The following PRAME variants were observed in gnomAD, a reference collection of about 807,000 sequenced individuals.
PRAME encodes the protein melanoma antigen preferentially expressed in tumors.
In PRAME, 21 loss-of-function variants were observed where a neutral mutation model predicts 32.1. The ratio of observed to expected loss-of-function variants is 0.65; its 90% CI spans 0.46 to 0.94. The LOEUF is 0.94. PRAME is among the 40% of genes least tolerant of loss of function. The probability of loss-of-function intolerance (pLI) is 0.00; values close to 1 mark genes in which losing one functional copy is unlikely to be tolerated. For synonymous variants in PRAME, 274 were observed against 251.5 expected, an observed-to-expected ratio of 1.09 and a Z score of -0.85; for missense variants, 651 against 622.3, an observed-to-expected ratio of 1.05 and a Z score of -0.49.
rs2062341522 is a variant in PRAME at position 22,547,959 on chromosome 22, A to C, written c.*108T>G. On this transcript the variant is annotated 3_prime_UTR_variant, in exon 6 of 6. Coordinates refer to ENST00000405655, the MANE Select transcript of PRAME (RefSeq NM_206956.3). Reference sequence around the variant, plus strand: ...CACTGAACATGTTTTCCTCACTCACACTGAACATTTGTCTGAAACTGTGGC... The same window carrying C: ...CACTGAACATGTTTTCCTCACTCACCCTGAACATTTGTCTGAAACTGTGGC... 8.2e-7 allele frequency: 1 copy of C among 1,220,556 alleles called. No individual in the cohort carries two copies. Among genetic ancestry groups the C allele is most frequent in the East Asian group, 2.4e-5 (1 of 42,412 alleles). 75.6% of individuals were successfully genotyped at this position (1,220,556 alleles called of 1,614,324 possible).
Position 22,551,104 on chromosome 22 carries a change from AG to A in PRAME, c.22-16del. ...TGAATGGAACCCTGAGGAAACATAC[AG>A]GGAACAAGGCATCCCTTTCAGCCCA... On this transcript the variant is annotated splice_polypyrimidine_tract_variant and intron_variant, in intron 3 of 5. Coordinates refer to ENST00000405655, the MANE Select transcript of PRAME (RefSeq NM_206956.3). 6.5e-7 allele frequency: 1 copy of A among 1,546,744 alleles called. No individual in the cohort carries two copies. The highest frequency in any genetic ancestry group is 8.8e-7 in the Non-Finnish European group (1 of 1,141,834).
intron 3 of PRAME, chr22:22,555,788 G>A: frequency 2.2e-6 from 1 of 448,292 alleles, no homozygotes; most frequent in South Asian, 1.6e-5. Context: ...GGCACCCAAG[G>A]ATGAGGCAGT....
intron 3 of PRAME, among the ~76,000 whole-genome samples, chr22:22,555,516 G>C (rs1019795457): frequency 1.3e-5 from 2 of 151,892 alleles, no homozygotes; most frequent in Non-Finnish European, 2.9e-5. Context: ...GAGATTACAA[G>C]AGTGAGCCAC....
intron 3 of PRAME, among the ~76,000 whole-genome samples, chr22:22,554,682 T>C (rs569080846): frequency 1.3e-5 from 2 of 152,040 alleles, no homozygotes; most frequent in East Asian, 3.9e-4. Flanking sequence ...GGGAAGAACC[T>C]GCTCAGCTCC....
chr22:22,557,013 G>A, intron 2 of PRAME, 104 bp from the exon 3 acceptor site: 1 of 695,188 alleles, frequency 1.4e-6, no homozygotes, highest in African/African-American at 1.8e-5. Context: ...TGAGGAAACT[G>A]ACAACTGGCG....
intron 3 of PRAME, among the ~76,000 whole-genome samples, chr22:22,556,486 ACT>A (rs147103283): frequency 0.098 from 14,889 of 151,532 alleles, 1,080 homozygotes; most frequent in East Asian, 0.27. Flanking sequence ...AACTTTCTGT[ACT>A]TTTAGTAGAC....
chr22:22,548,854 TCAAA>T (rs1219580707), intron 5 of PRAME, among the ~76,000 whole-genome samples: 1 of 151,798 alleles, frequency 6.6e-6, no homozygotes, highest in Non-Finnish European at 1.5e-5. Context: ...AACAAAGATC[TCAAA>T]CACTCCCTTG....
intron 3 of PRAME, among the ~76,000 whole-genome samples, chr22:22,556,360 G>C (rs1416142885): frequency 6.6e-6 from 1 of 151,390 alleles, no homozygotes; most frequent in South Asian, 2.1e-4. Context: ...CGCCAGGCTG[G>C]AGTGCAGTGG....
chr22:22,556,754 G>A (rs1005598845), intron 3 of PRAME, 58 bp downstream of exon 3: 11 of 1,603,168 alleles, frequency 6.9e-6, no homozygotes, highest in Admixed American at 1.7e-5. Context: ...CGAGTGACAA[G>A]GACAGAGGGG....
chr22:22,549,226 C>G (rs2062421362), intron 5 of PRAME, among the ~76,000 whole-genome samples: 1 of 151,944 alleles, frequency 6.6e-6, no homozygotes, highest in African/African-American at 2.4e-5. Flanking sequence ...TCTCCCACAT[C>G]TCCAGAATCC....
At position 22,548,496 on chromosome 22, in the gene PRAME, C is replaced by A; in HGVS notation, c.1101G>T (p.Glu367Asp). Residue 367 changes from glutamate to aspartate, a missense_variant, in exon 6 of 6, where the codon GAG becomes GAT. Physicochemically the swap from Glu to Asp is conservative, Grantham distance 45. Coordinates refer to ENST00000405655, the MANE Select transcript of PRAME (RefSeq NM_206956.3). The part of the protein sequence containing the change: ...SGVMLTDVSP[E>D]PLQALLERAS... ...CTCTCTCCAGCAGAGCTTGGAGGGG[C>A]TCGGGACTTACATCGGTCAGCATGA... The A allele has an allele frequency of 1.2e-6, 2 of 1,613,754 alleles. No individual in the cohort carries two copies. Among genetic ancestry groups the A allele is most frequent in the East Asian group, 4.5e-5 (2 of 44,780 alleles).
rs1484769656 is a variant in PRAME at position 22,556,689 on chromosome 22, G to A, written c.21+123C>T. ...GAAATGACCAGAAACAATAAAAGCGGCTCCTGCCTCTTCGTCTACTGTGAG... is the reference window on the plus strand; with the variant it reads ...GAAATGACCAGAAACAATAAAAGCGACTCCTGCCTCTTCGTCTACTGTGAG... On this transcript the variant is annotated intron_variant, in intron 3 of 5. Transcript: ENST00000405655. 1.5e-5 allele frequency: 17 copies of A among 1,158,254 alleles called. No individual in the cohort carries two copies. The Middle Eastern group carries it at 7.9e-4, about 54-fold the overall frequency. 71.7% of individuals were successfully genotyped at this position (1,158,254 alleles called of 1,614,324 possible). A position where few individuals can be genotyped will look rare whatever the true frequency, so the allele number is the denominator to read the frequency against.
At position 22,549,975 on chromosome 22, in the gene PRAME, A is replaced by C. The variant is rs747822492; in HGVS notation, c.704T>G (p.Ile235Ser). 6.8e-6 allele frequency: 11 copies of C among 1,613,826 alleles called. No individual in the cohort carries two copies. Among genetic ancestry groups the C allele is most frequent in the Non-Finnish European group, 9.3e-6 (11 of 1,179,930 alleles). ...GGTACAAGTCACTTCCAAATCTTCAATAGAGTCCAGCTGCACCATTTTCAG... is the reference window on the plus strand; with the variant it reads ...GGTACAAGTCACTTCCAAATCTTCACTAGAGTCCAGCTGCACCATTTTCAG... ...MILKMVQLDSIEDLEVTCTWK... is the reference protein window; with the variant it reads ...MILKMVQLDSSEDLEVTCTWK... The change falls in exon 5 of 6, where the codon ATT becomes AGT. Residue 235 changes from isoleucine (I) to serine (S), a missense_variant. By Grantham distance (142) the Ile-to-Ser change is moderately radical. Coordinates refer to ENST00000405655, the MANE Select transcript of PRAME (RefSeq NM_206956.3).
rs775165354 is a variant in PRAME at position 22,550,871 on chromosome 22, G to A, written c.240C>T (p.Cys80=). The change falls in exon 4 of 6, where the codon TGC becomes TGT. Residue 80 remains cysteine, a synonymous_variant. Transcript: ENST00000405655. ...CCTTCATCAGCACTCCCAGAGGGAG[G>A]CAGGTGAAGGGCCAGGCCTGCACCA... The part of the protein sequence containing the change: ...KAMVQAWPFT[C]LPLGVLMKGQ... The A allele has an allele frequency of 5.6e-6, 9 of 1,613,816 alleles. No homozygotes were observed. The highest frequency in any genetic ancestry group is 5.5e-5 in the South Asian group (5 of 91,080).
chr22:22,551,144 C>CT (rs943844726), intron 3 of PRAME, 55 bp from the exon 4 acceptor site: 21 of 1,469,164 alleles, frequency 1.4e-5, no homozygotes, highest in East Asian at 9.3e-5. Flanking sequence ...ATAAGCAACT[C>CT]TATCTTTTCC....
At chr22:22,550,464 T>A in intron 4 of PRAME, 130 bp from the exon 5 acceptor site, 1 of 1,267,650 alleles carries the variant, frequency 7.9e-7, no homozygotes. Flanking sequence ...ACTTCGTACT[T>A]CAGGCATCAG....
In PRAME at chr22:22,548,304, G is replaced by C. The variant is rs754271303; in HGVS notation, c.1293C>G (p.Ile431Met). ...SALQSLLQHL[I>M]GLSNLTHVLY... The stretch of plus-strand genomic sequence containing the variant: ...GCACGTGGGTCAGATTGCTCAGCCC[G>C]ATGAGGTGCTGCAGGAGACTCTGCA... Residue 431 changes from isoleucine to methionine, a missense_variant, in exon 6 of 6, where the codon ATC becomes ATG. By Grantham distance (10) the Ile-to-Met change is conservative. Transcript: ENST00000405655. 2 of 1,613,654 alleles carry C rather than the reference G, an allele frequency of 1.2e-6. No individual in the cohort carries two copies. Among genetic ancestry groups the C allele is most frequent in the East Asian group, 4.5e-5 (2 of 44,768 alleles).
rs543228429 is a variant in PRAME at position 22,556,628 on chromosome 22, A to T, written c.21+184T>A. 5.3e-5 allele frequency among the ~76,000 whole-genome samples: 8 copies of T among 152,036 alleles called. No homozygotes were observed. In the South Asian group the frequency reaches 6.2e-4, roughly 12 times the overall value. On this transcript the variant is annotated intron_variant, in intron 3 of 5. Transcript: ENST00000405655. ...GCCCGACCCTAGGGTTGACTCTCATACAAAGACAGCACGGGAAGTGAAATG... is the reference window on the plus strand; with the variant it reads ...GCCCGACCCTAGGGTTGACTCTCATTCAAAGACAGCACGGGAAGTGAAATG...
chr22:22,548,031 A>C lies in PRAME; in HGVS notation c.*36T>G, dbSNP rs1318234528. 1 of 1,564,030 alleles carries C rather than the reference A, an allele frequency of 6.4e-7. No individual in the cohort carries two copies. The highest frequency in any genetic ancestry group is 1.8e-5 in the Admixed American group (1 of 55,464). On this transcript the variant is annotated 3_prime_UTR_variant, in exon 6 of 6. Coordinates refer to ENST00000405655, the MANE Select transcript of PRAME (RefSeq NM_206956.3). Reference sequence around the variant, plus strand: ...ATGCACATCCTGGCTTTAGTGTCCAAGTATGCAGAATGAAGCATTTGATAT... The same window carrying C: ...ATGCACATCCTGGCTTTAGTGTCCACGTATGCAGAATGAAGCATTTGATAT...
Sources: allele counts gnomAD v4.1 joint callset (sites outside exome capture counted in the v4.1 genomes callset), GRCh38; gene constraint gnomAD v4.1.1; transcripts MANE v1.5; gene names NCBI Gene and HGNC (gene_info 2026-07-23, HGNC 2026-07-21).